ABCB7: variants seen among roughly 807,000 people sequenced by gnomAD.
The protein encoded by ABCB7 is iron-sulfur clusters transporter ABCB7, mitochondrial.
A neutral mutation model predicts 54.4 loss-of-function variants in ABCB7; 7 were observed. The observed-to-expected ratio is 0.13, with a 90% CI of 0.07 to 0.24. The LOEUF (loss-of-function observed/expected upper bound fraction) is 0.24. ABCB7 is among the 10% of genes least tolerant of loss of function. The probability of loss-of-function intolerance (pLI) is 1.00; values close to 1 mark genes in which losing one functional copy is unlikely to be tolerated. For synonymous variants in ABCB7, 218 were observed against 207.1 expected (o/e 1.05, Z -0.45); for missense variants, 356 against 570.4 (o/e 0.62, Z 3.83).
At chrX:75,057,616 C>T (rs1440003633) in intron 15 of ABCB7, among the ~76,000 whole-genome samples, 1 of 111,059 alleles carries the variant, frequency 9.0e-6, no homozygotes, top group Admixed American at 9.6e-5. Context: ...TTTTGGAGGT[C>T]TATCCACTGA....
chrX:75,053,982 T>C (rs1167128071), intron 15 of ABCB7, among the ~76,000 whole-genome samples: 1 of 112,246 alleles, frequency 8.9e-6, no homozygotes, highest in Non-Finnish European at 1.9e-5. Flanking sequence ...TTAAAAATAA[T>C]ATCCTTAAAT....
At chrX:75,100,865 G>C (rs1331757325) in intron 3 of ABCB7, among the ~76,000 whole-genome samples, 2 of 111,628 alleles carry the variant, frequency 1.8e-5, no homozygotes, top group Non-Finnish European at 3.8e-5. Context: ...TGGAAATTTA[G>C]CTATAAGGTT....
chrX:75,143,060 C>T (rs1410436424), intron 1 of ABCB7, among the ~76,000 whole-genome samples: 9 of 112,179 alleles, frequency 8.0e-5, no homozygotes, highest in Non-Finnish European at 1.3e-4. Flanking sequence ...AAGAGTTTTA[C>T]AATAGGTTTA....
intron 3 of ABCB7, among the ~76,000 whole-genome samples, chrX:75,099,627 C>T (rs1053401655): frequency 9.0e-6 from 1 of 110,742 alleles, no homozygotes; most frequent in Non-Finnish European, 1.9e-5. Flanking sequence ...GATCTAAATC[C>T]ATCTCACATT....
At chrX:75,118,233 C>CA (rs1309505471) in intron 1 of ABCB7, among the ~76,000 whole-genome samples, 1 of 111,469 alleles carries the variant, frequency 9.0e-6, no homozygotes, top group Admixed American at 9.5e-5. Flanking sequence ...AGCCTGGGTG[C>CA]AGGACTCAAT....
intron 8 of ABCB7, among the ~76,000 whole-genome samples, chrX:75,072,619 C>A (rs1224603504): frequency 9.0e-6 from 1 of 111,468 alleles, no homozygotes; most frequent in Non-Finnish European, 1.9e-5. Flanking sequence ...ATGGATCCTG[C>A]AGGACTGAAA....
At chrX:75,107,737 T>C in intron 3 of ABCB7, among the ~76,000 whole-genome samples, 1 of 110,344 alleles carries the variant, frequency 9.1e-6, no homozygotes, top group Non-Finnish European at 1.9e-5. Flanking sequence ...CCTCTGAGAA[T>C]TGCTGGCTTC....
chrX:75,129,407 G>A lies in ABCB7; in HGVS notation c.169-14576C>T, dbSNP rs182916326. Among the ~76,000 whole-genome samples, 392 of 109,812 alleles carry A rather than the reference G, an allele frequency of 3.6e-3. 3 individuals carry two copies. The highest frequency in any genetic ancestry group is 0.012 in the African/African-American group (372 of 30,183). ...TGGGAGTTGAACAATGAGAACATAC[G>A]GGCACGGGGAGGGGAACATCTCACA... is the stretch of plus-strand genomic sequence containing the variant. On this transcript the variant is annotated intron_variant, in intron 1 of 15. Coordinates refer to ENST00000373394, the MANE Select transcript of ABCB7 (RefSeq NM_001271696.3).
At chrX:75,066,336 T>TAAATAG (rs1331333504) in intron 12 of ABCB7, among the ~76,000 whole-genome samples, 2 of 111,614 alleles carry the variant, frequency 1.8e-5, no homozygotes, top group Admixed American at 9.6e-5. Context: ...TTTAAATCAT[T>TAAATAG]TATATACCTA....
intron 3 of ABCB7, among the ~76,000 whole-genome samples, chrX:75,112,020 A>C (rs2081765204): frequency 8.9e-6 from 1 of 112,280 alleles, no homozygotes; most frequent in Non-Finnish European, 1.9e-5. Flanking sequence ...GATAATGTAC[A>C]AAAATGGGAC....
intron 1 of ABCB7, among the ~76,000 whole-genome samples, chrX:75,123,217 G>T (rs2081895982): frequency 9.0e-6 from 1 of 111,360 alleles, no homozygotes; most frequent in Admixed American, 9.6e-5. Context: ...GTATGAATAA[G>T]ATAATGGTCC....
At chrX:75,095,751 A>G (rs1448585275) in intron 4 of ABCB7, among the ~76,000 whole-genome samples, 1 of 112,483 alleles carries the variant, frequency 8.9e-6, no homozygotes, top group African/African-American at 3.2e-5. Context: ...GCTTATCTGC[A>G]ATCAGTTTAC....
Position 75,129,526 on chromosome X carries a change from C to A in ABCB7, c.169-14695G>T, listed in dbSNP as rs2081959998. 3.7e-5 allele frequency among the ~76,000 whole-genome samples: 4 copies of A among 108,736 alleles called. No homozygotes were observed. The South Asian group carries it at 1.6e-3, about 44-fold the overall frequency. The allele number at this position is 108,736 out of a possible 115,157, so 94.4% of individuals were successfully genotyped here. A position where few individuals can be genotyped will look rare whatever the true frequency, so the allele number is the denominator to read the frequency against. On this transcript the variant is annotated intron_variant, in intron 1 of 15. Coordinates refer to ENST00000373394, the MANE Select transcript of ABCB7 (RefSeq NM_001271696.3). ...CGGGTTGATGGATGCAGCAAATCAC[C>A]ATGGCACATGTATACCTATGTAACA...
At chrX:75,143,052 G>T (rs2082065675) in intron 1 of ABCB7, among the ~76,000 whole-genome samples, 1 of 112,287 alleles carries the variant, frequency 8.9e-6, no homozygotes, top group Non-Finnish European at 1.9e-5. Context: ...TTGTTTCAAA[G>T]AGTTTTACAA....
intron 9 of ABCB7, among the ~76,000 whole-genome samples, 184 bp from the exon 10 acceptor site, chrX:75,070,706 G>A (rs2081357185): frequency 9.0e-6 from 1 of 110,837 alleles, no homozygotes; most frequent in African/African-American, 3.3e-5. Flanking sequence ...GTATACGTTA[G>A]GAATGGGAAA....
intron 4 of ABCB7, among the ~76,000 whole-genome samples, chrX:75,097,864 C>T (rs1355101366): frequency 8.9e-6 from 1 of 111,732 alleles, no homozygotes; most frequent in Non-Finnish European, 1.9e-5. Flanking sequence ...TTTATAGCAA[C>T]CCTATTTTAC....
chrX:75,087,202 C>T (rs1030978612), intron 4 of ABCB7, among the ~76,000 whole-genome samples: 6 of 111,769 alleles, frequency 5.4e-5, no homozygotes, highest in Non-Finnish European at 1.1e-4. Context: ...TTTCACTTTG[C>T]TGTCAGCTCA....
intron 3 of ABCB7, among the ~76,000 whole-genome samples, chrX:75,110,889 G>C (rs1220104918): frequency 8.9e-6 from 1 of 111,857 alleles, no homozygotes; most frequent in Non-Finnish European, 1.9e-5. Flanking sequence ...ATAAATGGAT[G>C]ATTTAAATAA....
chrX:75,140,556 A>C (rs187357988), intron 1 of ABCB7, among the ~76,000 whole-genome samples: 3 of 109,768 alleles, frequency 2.7e-5, no homozygotes, highest in African/African-American at 1.0e-4. Flanking sequence ...AATACCATAC[A>C]CTAAAATAAA....
Sources: allele counts gnomAD v4.1 joint callset (sites outside exome capture counted in the v4.1 genomes callset), GRCh38; gene constraint gnomAD v4.1.1; transcripts MANE v1.5; gene names NCBI Gene and HGNC (gene_info 2026-07-23, HGNC 2026-07-21).